ANXA4: variants seen among roughly 807,000 people sequenced by gnomAD.
ANXA4 encodes the protein 35-beta calcimedin.
A neutral mutation model predicts 49.8 loss-of-function variants in ANXA4; 39 were observed. The observed-to-expected ratio is 0.78, with a 90% CI of 0.61 to 1.02. ANXA4 has a LOEUF of 1.02. Ranked by LOEUF, ANXA4 falls within the 50% of genes least tolerant of loss-of-function variation. The pLI is 0.00. For missense variants in ANXA4, 360 were observed against 410.1 expected, an observed-to-expected ratio of 0.88 and a Z score of 1.05; for synonymous variants, 134 against 152.5, an observed-to-expected ratio of 0.88 and a Z score of 0.89.
intron 2 of ANXA4, among the ~76,000 whole-genome samples, chr2:69,714,074 G>A (rs1035477540): frequency 2.0e-5 from 3 of 152,206 alleles, no homozygotes; most frequent in African/African-American, 7.2e-5. Flanking sequence ...AGTGCCTGGT[G>A]GGTGACATCT....
intron 2 of ANXA4, among the ~76,000 whole-genome samples, chr2:69,786,006 C>T (rs892659609): frequency 2.6e-5 from 4 of 152,142 alleles, no homozygotes; most frequent in East Asian, 1.9e-4. Flanking sequence ...TGATGCATCC[C>T]GACTTTATTA....
At chr2:69,722,022 T>C (rs1292173240) in intron 3 of ANXA4, among the ~76,000 whole-genome samples, 1 of 152,044 alleles carries the variant, frequency 6.6e-6, no homozygotes, top group Non-Finnish European at 1.5e-5. Flanking sequence ...AATATTAGAC[T>C]CTCCTAAGTA....
chr2:69,719,587 C>T (rs968196508), intron 2 of ANXA4, among the ~76,000 whole-genome samples: 1 of 151,396 alleles, frequency 6.6e-6, no homozygotes, highest in African/African-American at 2.4e-5. Flanking sequence ...TTACAGGCGC[C>T]CACCAACACA....
chr2:69,825,615 C>A lies in ANXA4; in HGVS notation c.*100C>A. On this transcript the variant is annotated 3_prime_UTR_variant, in exon 13 of 13. Transcript: ENST00000394295. Reference sequence around the variant, plus strand: ...TATCATTATCTCAGAATGCTTATTTCCAATTAAAACGCCTACAGCTGCCTC... The same window carrying A: ...TATCATTATCTCAGAATGCTTATTTACAATTAAAACGCCTACAGCTGCCTC... 1.2e-6 allele frequency: 1 copy of A among 859,534 alleles called. No homozygotes were observed. The highest frequency in any genetic ancestry group is 1.8e-6 in the Non-Finnish European group (1 of 546,444). The allele number at this position is 859,534 out of a possible 1,614,324, so 53.2% of individuals were successfully genotyped here.
chr2:69,673,248 A>G (rs1677256774), intron 2 of ANXA4, among the ~76,000 whole-genome samples: 1 of 152,154 alleles, frequency 6.6e-6, no homozygotes, highest in African/African-American at 2.4e-5. Context: ...AAGACTTGGA[A>G]CCAACCCAAA....
At chr2:69,732,587 C>T (rs1039404232) in intron 3 of ANXA4, among the ~76,000 whole-genome samples, 6 of 151,604 alleles carry the variant, frequency 4.0e-5, no homozygotes, top group East Asian at 1.9e-4. Context: ...GGAGAAGCCC[C>T]GTCTCTACTA....
chr2:69,786,528 C>T (rs1360106971), intron 2 of ANXA4, among the ~76,000 whole-genome samples: 1 of 152,212 alleles, frequency 6.6e-6, no homozygotes, highest in Non-Finnish European at 1.5e-5. Flanking sequence ...AATACAAACT[C>T]CTTACCTGGT....
intron 3 of ANXA4, among the ~76,000 whole-genome samples, chr2:69,735,248 T>C (rs1670213589): frequency 6.6e-6 from 1 of 152,138 alleles, no homozygotes; most frequent in South Asian, 2.1e-4. Context: ...CAAGTAACAA[T>C]GCTATCTTAA....
intron 3 of ANXA4, among the ~76,000 whole-genome samples, chr2:69,793,008 C>G (rs1362740025): frequency 6.6e-6 from 1 of 151,218 alleles, no homozygotes; most frequent in Non-Finnish European, 1.5e-5. Context: ...AATCCCAGCA[C>G]TTTGGGAGGC....
At position 69,826,818 on chromosome 2, in the gene ANXA4, A is replaced by G. The variant is rs1032879088; in HGVS notation, c.*1303A>G. On this transcript the variant is annotated 3_prime_UTR_variant, in exon 13 of 13. Coordinates refer to ENST00000394295, the MANE Select transcript of ANXA4 (RefSeq NM_001153.5). ...AAAAAAAGTGTCTTTAAAGTGAGGTATAGTCTTTCTCTGATCCACTTTTCA... is the reference window on the plus strand; with the variant it reads ...AAAAAAAGTGTCTTTAAAGTGAGGTGTAGTCTTTCTCTGATCCACTTTTCA... The G allele has an allele frequency of 1.3e-5, 2 of 150,756 alleles. No individual in the cohort carries two copies. Among genetic ancestry groups the G allele is most frequent in the Non-Finnish European group, 3.0e-5 (2 of 67,790 alleles). 9.3% of individuals were successfully genotyped at this position (150,756 alleles called of 1,614,324 possible). A position where few individuals can be genotyped will look rare whatever the true frequency, so the allele number is the denominator to read the frequency against.
intron 6 of ANXA4, chr2:69,808,433 C>G (rs1673545032): frequency 6.2e-6 from 1 of 161,590 alleles, no homozygotes; most frequent in East Asian, 1.8e-4. Flanking sequence ...CCTTAGAGAC[C>G]TCCAGAGGGT....
At chr2:69,692,637 T>A (rs558014800) in intron 2 of ANXA4, among the ~76,000 whole-genome samples, 2 of 152,366 alleles carry the variant, frequency 1.3e-5, no homozygotes, top group South Asian at 4.1e-4. Flanking sequence ...AGACACTTGA[T>A]GTTTATTAAG....
chr2:69,696,084 C>A (rs1271076518), intron 2 of ANXA4, among the ~76,000 whole-genome samples: 1 of 152,130 alleles, frequency 6.6e-6, no homozygotes, highest in Non-Finnish European at 1.5e-5. Context: ...CATTTATTGA[C>A]TCTTCCTCTC....
chr2:69,717,187 G>C (rs1428777306), intron 2 of ANXA4, among the ~76,000 whole-genome samples: 1 of 152,194 alleles, frequency 6.6e-6, no homozygotes, highest in Non-Finnish European at 1.5e-5. Context: ...CATGCCCACT[G>C]AATAGGAACA....
intron 2 of ANXA4, among the ~76,000 whole-genome samples, chr2:69,670,750 G>A (rs941475379): frequency 2.0e-5 from 3 of 152,038 alleles, no homozygotes; most frequent in East Asian, 3.9e-4. Flanking sequence ...AGGGTCAGGC[G>A]TGATGGCTCA....
chr2:69,788,896 G>A (rs11904525), intron 3 of ANXA4, among the ~76,000 whole-genome samples: 7,917 of 145,558 alleles, frequency 0.054, 683 homozygotes, highest in Admixed American at 0.21. Flanking sequence ...AGAAGGAGGA[G>A]AGGGAGGGAG....
rs377321563 is a variant in ANXA4, at chr2:69,804,137, CAAA to C, written c.98-376_98-374del. 4.7e-3 allele frequency among the ~76,000 whole-genome samples: 415 copies of C among 88,820 alleles called. 3 individuals are homozygous for C. Among genetic ancestry groups the C allele is most frequent in the African/African-American group, 0.012 (272 of 23,512 alleles). 58.3% of individuals were successfully genotyped at this position (88,820 alleles called of 152,430 possible). ...TGGGTGACAGAGTGAGACTTTCTCTCAAAAAAAAAAAAAAAAAAAAAATATTCT... is the reference window on the plus strand; with the variant it reads ...TGGGTGACAGAGTGAGACTTTCTCTCAAAAAAAAAAAAAAAAAAATATTCT... On this transcript the variant is annotated intron_variant, in intron 3 of 12. Transcript: ENST00000394295.
At chr2:69,782,162 A>G (rs1029590810) in intron 2 of ANXA4, among the ~76,000 whole-genome samples, 8 of 152,226 alleles carry the variant, frequency 5.3e-5, no homozygotes, top group African/African-American at 1.9e-4. Context: ...AAGGCTGGAC[A>G]TCTGCTCTCC....
At chr2:69,695,735 G>T (rs1232405205) in intron 2 of ANXA4, among the ~76,000 whole-genome samples, 1 of 152,088 alleles carries the variant, frequency 6.6e-6, no homozygotes, top group Non-Finnish European at 1.5e-5. Context: ...AGTTTATGTG[G>T]GTTTCAATCC....
Sources: allele counts gnomAD v4.1 joint callset (sites outside exome capture counted in the v4.1 genomes callset), GRCh38; gene constraint gnomAD v4.1.1; transcripts MANE v1.5; gene names NCBI Gene and HGNC (gene_info 2026-07-23, HGNC 2026-07-21).